The following LHPP variants were observed in gnomAD, a reference collection of about 807,000 sequenced individuals.
LHPP encodes hLHPP.
In LHPP, 24 loss-of-function variants were observed where a neutral mutation model predicts 30.3. The observed-to-expected ratio is 0.79, with a 90% CI of 0.57 to 1.11. The LOEUF (loss-of-function observed/expected upper bound fraction) is 1.11, where lower values mean the gene tolerates loss of function less well. LHPP is among the 50% of genes most tolerant of loss of function. The probability of loss-of-function intolerance (pLI) is 0.00; values close to 1 mark genes in which losing one functional copy is unlikely to be tolerated. For synonymous variants in LHPP, 150 were observed against 157.1 expected (o/e 0.95, Z 0.34); for missense variants, 356 against 367.2 (o/e 0.97, Z 0.25).
chr10:124,502,176 T>C (rs773353326), intron 5 of LHPP, among the ~76,000 whole-genome samples: 1 of 151,890 alleles, frequency 6.6e-6, no homozygotes, highest in Non-Finnish European at 1.5e-5. Flanking sequence ...AAATCAACAC[T>C]GGCACAAGGC....
chr10:124,481,144 T>C (rs568062790), intron 1 of LHPP, among the ~76,000 whole-genome samples: 1 of 152,158 alleles, frequency 6.6e-6, no homozygotes, highest in East Asian at 1.9e-4. Context: ...CTGGAGCTCG[T>C]AGGCCAGTGA....
chr10:124,605,747 C>T (rs1005803161), intron 6 of LHPP, among the ~76,000 whole-genome samples: 44 of 151,466 alleles, frequency 2.9e-4, no homozygotes, highest in African/African-American at 1.1e-3. Context: ...GGAGCCACAG[C>T]AGTTTACACA....
In LHPP at chr10:124,517,426, C is replaced by T; in HGVS notation, c.716+155C>T. The T allele has an allele frequency of 3.9e-6, 2 of 507,938 alleles. No individual in the cohort carries two copies. The allele number at this position is 507,938 out of a possible 1,614,324, so 31.5% of individuals were successfully genotyped here. ...CTTGTATGTAATGGACCTCTAAGAA[C>T]AGGGCTGAGTGGTCTTTTATAGCAG... On this transcript the variant is annotated intron_variant, in intron 6 of 6. Coordinates refer to ENST00000368842, the MANE Select transcript of LHPP (RefSeq NM_022126.4). This position sits in a 1 kb window ranked among gnomAD's most constrained non-coding sequence, Gnocchi z 4.1.
At chr10:124,557,739 C>T (rs1948327167) in intron 6 of LHPP, among the ~76,000 whole-genome samples, 1 of 152,040 alleles carries the variant, frequency 6.6e-6, no homozygotes, top group Non-Finnish European at 1.5e-5. Context: ...CACATGATGC[C>T]AGGCAAGGCT....
chr10:124,522,536 GGT>G (rs1246179871), intron 6 of LHPP, among the ~76,000 whole-genome samples: 1 of 152,240 alleles, frequency 6.6e-6, no homozygotes. Context: ...CACCTGGCAA[GGT>G]TTTACAGAAG....
At chr10:124,597,291 A>T (rs894874875) in intron 6 of LHPP, among the ~76,000 whole-genome samples, 1 of 152,116 alleles carries the variant, frequency 6.6e-6, no homozygotes, top group Admixed American at 6.5e-5. Context: ...ATAGACATGG[A>T]TCCTATGAGT....
chr10:124,504,679 G>C (rs1388683252), intron 5 of LHPP, among the ~76,000 whole-genome samples: 2 of 151,986 alleles, frequency 1.3e-5, no homozygotes, highest in Non-Finnish European at 2.9e-5. Context: ...AGAGAGGGGA[G>C]GAGACGAGAC....
intron 6 of LHPP, among the ~76,000 whole-genome samples, chr10:124,577,021 C>T (rs780203622): frequency 3.3e-5 from 5 of 152,172 alleles, no homozygotes; most frequent in African/African-American, 7.2e-5. Flanking sequence ...ATAAGGAAAC[C>T]GAATAATAGA....
chr10:124,554,473 G>C (rs1948252517), intron 6 of LHPP, among the ~76,000 whole-genome samples: 1 of 152,246 alleles, frequency 6.6e-6, no homozygotes, highest in Non-Finnish European at 1.5e-5. Context: ...TGGGATTACA[G>C]GCATGAGCCA....
intron 6 of LHPP, among the ~76,000 whole-genome samples, chr10:124,552,313 T>G (rs1051704067): frequency 7.9e-5 from 12 of 152,122 alleles, no homozygotes; most frequent in African/African-American, 2.9e-4. Context: ...TCATCCCAGC[T>G]GTAAGTGGCA....
rs372464100 is a variant in LHPP, at chr10:124,517,884, G to A, written c.716+613G>A. Among the ~76,000 whole-genome samples the A allele has an allele frequency of 3.9e-5, 6 of 152,228 alleles. No homozygotes were observed. In the South Asian group the frequency reaches 6.2e-4, roughly 16 times the overall value. On this transcript the variant is annotated intron_variant, in intron 6 of 6. Coordinates refer to ENST00000368842, the MANE Select transcript of LHPP (RefSeq NM_022126.4). The surrounding 1 kb of genome is among the most constrained non-coding windows in gnomAD (Gnocchi z 4.1). ...CCAAGCTCCAGCTCGCCTGGTCATC[G>A]AGAGGATCTTGGACATCAGAGTGTT...
chr10:124,515,382 G>C (rs938548587), intron 5 of LHPP, among the ~76,000 whole-genome samples: 1 of 151,936 alleles, frequency 6.6e-6, no homozygotes, highest in Non-Finnish European at 1.5e-5. Flanking sequence ...TCTACTTTTG[G>C]AACACATGAA....
chr10:124,591,361 C>G (rs140773806), intron 6 of LHPP, among the ~76,000 whole-genome samples: 4 of 152,220 alleles, frequency 2.6e-5, no homozygotes, highest in Non-Finnish European at 5.9e-5. Context: ...TCCATACCAC[C>G]TCCAACCCCC....
At chr10:124,486,595 C>A (rs2361625) in intron 2 of LHPP, among the ~76,000 whole-genome samples, 3 of 152,160 alleles carry the variant, frequency 2.0e-5, no homozygotes, top group Non-Finnish European at 2.9e-5. Flanking sequence ...CTTGATTCTC[C>A]CAGCGATGAT....
At chr10:124,534,278 A>AG (rs1375217414) in intron 6 of LHPP, among the ~76,000 whole-genome samples, 1 of 152,250 alleles carries the variant, frequency 6.6e-6, no homozygotes, top group Non-Finnish European at 1.5e-5. Context: ...GGAGCTCAGC[A>AG]GCTGGAGGCA....
At chr10:124,566,326 A>G (rs1338374092) in intron 6 of LHPP, among the ~76,000 whole-genome samples, 2 of 151,958 alleles carry the variant, frequency 1.3e-5, no homozygotes, top group East Asian at 3.9e-4. Context: ...TGGGGGACAC[A>G]CTCTGCTTAC....
intron 6 of LHPP, among the ~76,000 whole-genome samples, chr10:124,578,756 C>T (rs1182536813): frequency 6.6e-6 from 1 of 152,182 alleles, no homozygotes; most frequent in Non-Finnish European, 1.5e-5. Flanking sequence ...TCTCTGCCCT[C>T]CCCGCTTGCA....
intron 6 of LHPP, among the ~76,000 whole-genome samples, chr10:124,566,693 G>A (rs541296734): frequency 1.2e-4 from 19 of 152,284 alleles, no homozygotes; most frequent in African/African-American, 4.1e-4. Flanking sequence ...GGATGGAGTC[G>A]CAGCAGACAC....
rs1000174662 is a variant in LHPP at position 124,522,730 on chromosome 10, C to A, written c.716+5459C>A. Among the ~76,000 whole-genome samples, 13 of 149,840 alleles carry A rather than the reference C, an allele frequency of 8.7e-5. No homozygotes were observed. The East Asian group carries it at 1.8e-3, about 20-fold the overall frequency. On this transcript the variant is annotated intron_variant, in intron 6 of 6. Coordinates refer to ENST00000368842, the MANE Select transcript of LHPP (RefSeq NM_022126.4). ...AAGTGCACTGCTGCCCACGCCCCCC[C>A]CCAAGCACTGTCTGCTCCTCCCTGC...
Sources: allele counts gnomAD v4.1 joint callset (sites outside exome capture counted in the v4.1 genomes callset), GRCh38; gene constraint gnomAD v4.1.1; non-coding constraint Gnocchi (gnomAD v3.1); transcripts MANE v1.5; gene names NCBI Gene and HGNC (gene_info 2026-07-23, HGNC 2026-07-21).